The following CADPS2 variants were observed in gnomAD, a reference collection of about 807,000 sequenced individuals.
The protein encoded by CADPS2 is calcium dependent secretion activator 2.
Under a neutral mutation model 172.5 loss-of-function variants are expected in CADPS2, and 93 were observed. That is an observed-to-expected ratio of 0.54 (90% CI 0.46 to 0.64). The LOEUF (loss-of-function observed/expected upper bound fraction) is 0.64, where lower values mean the gene tolerates loss of function less well. Ranked by LOEUF, CADPS2 falls within the 30% of genes least tolerant of loss-of-function variation. The pLI, the probability that CADPS2 is intolerant of heterozygous loss-of-function variation, is 0.00. For synonymous variants in CADPS2, 546 were observed against 555.2 expected, an observed-to-expected ratio of 0.98 and a Z score of 0.23; for missense variants, 1,420 against 1,565.9, an observed-to-expected ratio of 0.91 and a Z score of 1.57.
chr7:122,705,693 T>TATATAATATATCATATATTATATA (rs2086975995), intron 2 of CADPS2, among the ~76,000 whole-genome samples: 1 of 62,382 alleles, frequency 1.6e-5, no homozygotes, highest in African/African-American at 6.3e-5. Context: ...TATCACATAT[T>TATATAATATATCATATATTATATA]ATATATAATA....
At chr7:122,541,449 G>A (rs1332298919) in intron 8 of CADPS2, among the ~76,000 whole-genome samples, 2 of 145,284 alleles carry the variant, frequency 1.4e-5, no homozygotes, top group East Asian at 2.0e-4. Context: ...CAGGTGATCC[G>A]CCCGCCTCAG....
intron 1 of CADPS2, among the ~76,000 whole-genome samples, chr7:122,785,192 T>C (rs950231070): frequency 3.3e-5 from 5 of 152,198 alleles, no homozygotes; most frequent in African/African-American, 7.2e-5. Flanking sequence ...TATACTTTTA[T>C]TTTTACTTTT....
At chr7:122,408,738 T>C (rs909152987) in intron 19 of CADPS2, among the ~76,000 whole-genome samples, 3 of 152,178 alleles carry the variant, frequency 2.0e-5, no homozygotes, top group African/African-American at 7.2e-5. Flanking sequence ...CAAATATGAA[T>C]TGGATTATAA....
chr7:122,652,492 G>T (rs1325323952), intron 3 of CADPS2, among the ~76,000 whole-genome samples: 1 of 151,976 alleles, frequency 6.6e-6, no homozygotes, highest in Non-Finnish European at 1.5e-5. Flanking sequence ...TTCTCTAAAA[G>T]AATATATATA....
chr7:122,387,700 G>A (rs953261135), intron 23 of CADPS2, among the ~76,000 whole-genome samples: 1 of 152,046 alleles, frequency 6.6e-6, no homozygotes, highest in Non-Finnish European at 1.5e-5. Context: ...ATTGCAGGCA[G>A]GTTTTTGAAA....
intron 28 of CADPS2, chr7:122,330,834 C>T (rs1034036256): frequency 6.6e-6 from 1 of 152,210 alleles, no homozygotes; most frequent in African/African-American, 2.4e-5. Flanking sequence ...TGAGGGTGGG[C>T]AGTGCTAGCC....
chr7:122,774,061 A>G (rs772786613), intron 1 of CADPS2, among the ~76,000 whole-genome samples: 33 of 152,212 alleles, frequency 2.2e-4, no homozygotes, highest in Admixed American at 4.6e-4. Flanking sequence ...CAGAGACACT[A>G]AAGTCTTGCA....
chr7:122,530,568 A>G (rs1482461582), intron 8 of CADPS2, among the ~76,000 whole-genome samples: 1 of 152,156 alleles, frequency 6.6e-6, no homozygotes, highest in Non-Finnish European at 1.5e-5. Context: ...TATGCTTTAC[A>G]TATCTCAGTT....
At chr7:122,646,958 G>A (rs2078629602) in intron 3 of CADPS2, among the ~76,000 whole-genome samples, 1 of 151,968 alleles carries the variant, frequency 6.6e-6, no homozygotes, top group Non-Finnish European at 1.5e-5. Flanking sequence ...TAATTCAGTT[G>A]GAAAGGCAAT....
chr7:122,552,553 G>A (rs2064435599), intron 8 of CADPS2, among the ~76,000 whole-genome samples: 2 of 152,064 alleles, frequency 1.3e-5, no homozygotes, highest in South Asian at 4.1e-4. Context: ...ATCAAGCCTT[G>A]TAAGGGGTCT....
At chr7:122,707,555 C>A (rs1311027536) in intron 2 of CADPS2, among the ~76,000 whole-genome samples, 1 of 151,872 alleles carries the variant, frequency 6.6e-6, no homozygotes, top group Non-Finnish European at 1.5e-5. Flanking sequence ...GTGTCAGTAT[C>A]CAGAGCTATA....
chr7:122,516,351 A>G (rs2060373843), intron 8 of CADPS2, among the ~76,000 whole-genome samples: 1 of 152,132 alleles, frequency 6.6e-6, no homozygotes, highest in Non-Finnish European at 1.5e-5. Flanking sequence ...CTTAGGCAAC[A>G]TAGCCAGACT....
chr7:122,693,864 T>G (rs11768271), intron 2 of CADPS2, among the ~76,000 whole-genome samples: 56,566 of 152,038 alleles, frequency 0.37, 12,749 homozygotes, highest in Non-Finnish European at 0.49. Context: ...CTTGGGAGGC[T>G]GAGGAAGGAG....
At chr7:122,763,817 A>T (rs1474310565) in intron 1 of CADPS2, among the ~76,000 whole-genome samples, 1 of 152,128 alleles carries the variant, frequency 6.6e-6, no homozygotes, top group Non-Finnish European at 1.5e-5. Context: ...AAACATCACC[A>T]TTTCTGAGAT....
In CADPS2 at chr7:122,592,538, C is replaced by T. The variant is rs1044798440; in HGVS notation, c.1224-11248G>A. On this transcript the variant is annotated intron_variant, in intron 6 of 29. Transcript: ENST00000449022. ...ATGCTGCTATAAAGACACATGCACA[C>T]GTATGTTTATTGTGGCACAATTCAC... 3.5e-4 allele frequency among the ~76,000 whole-genome samples: 53 copies of T among 152,054 alleles called. 2 individuals carry two copies. Among genetic ancestry groups the T allele is most frequent in the African/African-American group, 1.9e-4 (8 of 41,402 alleles).
intron 14 of CADPS2, among the ~76,000 whole-genome samples, chr7:122,465,023 T>TA (rs2054955580): frequency 6.6e-6 from 1 of 151,728 alleles, no homozygotes; most frequent in South Asian, 2.1e-4. Flanking sequence ...TATCGTAAAA[T>TA]AAAAAGTATA....
intron 8 of CADPS2, among the ~76,000 whole-genome samples, chr7:122,522,405 G>A (rs1244411976): frequency 6.6e-6 from 1 of 151,936 alleles, no homozygotes; most frequent in Non-Finnish European, 1.5e-5. Context: ...GTGAGCCACT[G>A]CATCTGGCCC....
chr7:122,468,953 G>T (rs116325363), intron 14 of CADPS2, among the ~76,000 whole-genome samples: 1 of 151,990 alleles, frequency 6.6e-6, no homozygotes, highest in African/African-American at 2.4e-5. Flanking sequence ...TTCAAATTTC[G>T]ATTCTAAAAG....
rs1370772959 is a variant in CADPS2 at position 122,820,563 on chromosome 7, T to TG, written c.339+65435_339+65436insC. ...TACTGTTTTTTGTTTTTTGTTTTTT[T>TG]TTTTTTTTTTTTTTGAGACGGAGTC... On this transcript the variant is annotated intron_variant, in intron 1 of 29. Coordinates refer to ENST00000449022, the MANE Select transcript of CADPS2 (RefSeq NM_017954.11). 1.5e-4 allele frequency among the ~76,000 whole-genome samples: 17 copies of TG among 114,456 alleles called. 3 individuals are homozygous for TG. The highest frequency in any genetic ancestry group is 6.6e-4 in the African/African-American group (17 of 25,862). The allele number at this position is 114,456 out of a possible 152,430, so 75.1% of individuals were successfully genotyped here. A position where few individuals can be genotyped will look rare whatever the true frequency, so the allele number is the denominator to read the frequency against.
Sources: allele counts gnomAD v4.1 joint callset (sites outside exome capture counted in the v4.1 genomes callset), GRCh38; gene constraint gnomAD v4.1.1; transcripts MANE v1.5; gene names NCBI Gene and HGNC (gene_info 2026-07-23, HGNC 2026-07-21).